The following WFDC3 variants were observed in gnomAD, a reference collection of about 807,000 sequenced individuals.
WFDC3 encodes the protein WAP four-disulfide core domain 3.
A neutral mutation model predicts 25.8 loss-of-function variants in WFDC3; 15 were observed. That is an observed-to-expected ratio of 0.58 (90% CI 0.39 to 0.89). The LOEUF is 0.89. Among genes scored for constraint, WFDC3 ranks in the 40% least tolerant of loss-of-function variants. The pLI is 0.00. For missense variants in WFDC3, 264 were observed against 289.8 expected, an observed-to-expected ratio of 0.91 and a Z score of 0.65; for synonymous variants, 103 against 107.1, an observed-to-expected ratio of 0.96 and a Z score of 0.24.
At chr20:45,787,110 A>C (rs1568700996) in intron 4 of WFDC3, among the ~76,000 whole-genome samples, 1 of 144,634 alleles carries the variant, frequency 6.9e-6, no homozygotes, top group East Asian at 2.0e-4. Context: ...AAAAAAAAAA[A>C]AAAAAAAAGA....
At chr20:45,790,023 A>C in intron 1 of WFDC3, 41 bp from the exon 2 acceptor site, 1 of 1,545,014 alleles carries the variant, frequency 6.5e-7, no homozygotes, top group Non-Finnish European at 8.9e-7. Context: ...CTAGAGGTGT[A>C]CACCTTGCCC....
chr20:45,777,340 A>G, intron 4 of WFDC3, 131 bp from the exon 5 acceptor site: 8 of 1,039,794 alleles, frequency 7.7e-6, no homozygotes, highest in Non-Finnish European at 9.7e-6. Flanking sequence ...TATGTGTATC[A>G]TGTATCTGCA....
chr20:45,777,162 G>A lies in WFDC3; in HGVS notation c.406C>T (p.Leu136=), dbSNP rs777814387. 1 of 1,603,598 alleles carries A rather than the reference G, an allele frequency of 6.2e-7. No homozygotes were observed. Among genetic ancestry groups the A allele is most frequent in the East Asian group, 2.3e-5 (1 of 43,976 alleles). Residue 136 remains leucine, a synonymous_variant, in exon 5 of 7, where the codon CTG becomes TTG. Coordinates refer to ENST00000243938, the MANE Select transcript of WFDC3 (RefSeq NM_080614.2). ...CPADPLPCEE[L]CDGDASCPQG... ...GGACAGGATGCATCCCCATCACACA[G>A]CTCCTCACACGGAAGGGGGTCAGCG...
chr20:45,790,079 C>A, intron 1 of WFDC3, 97 bp from the exon 2 acceptor site: 2 of 856,898 alleles, frequency 2.3e-6, no homozygotes, highest in East Asian at 2.6e-5. Context: ...GGCCCCAAAC[C>A]CAGTCCCAAA....
chr20:45,774,605 C>T (rs966996648), intron 6 of WFDC3, among the ~76,000 whole-genome samples, 161 bp from the exon 7 acceptor site: 3 of 152,292 alleles, frequency 2.0e-5, no homozygotes, highest in South Asian at 4.1e-4. Flanking sequence ...GCACTGAAGG[C>T]TCTTATTATT....
intron 1 of WFDC3, among the ~76,000 whole-genome samples, chr20:45,791,463 A>AT (rs1282807067): frequency 1.3e-5 from 2 of 151,406 alleles, no homozygotes; most frequent in Non-Finnish European, 2.9e-5. Context: ...CGCCCGGCTA[A>AT]TTTTTATATT....
rs765099962 is a variant in WFDC3, at chr20:45,775,485, A to T, written c.611T>A (p.Val204Asp). Residue 204 changes from valine to aspartate, a missense_variant, in exon 6 of 7, where the codon GTC becomes GAC. Coordinates refer to ENST00000243938, the MANE Select transcript of WFDC3 (RefSeq NM_080614.2). ...CAGTTTTGGGGGCAGGACTGGTGGG[A>T]CACAGAAGCGGCCACAGCCTGACTT... ...CCKSGCGRFC[V>D]PPVLPPKLTM... 1.4e-5 allele frequency: 23 copies of T among 1,614,208 alleles called. No individual in the cohort carries two copies. Among genetic ancestry groups the T allele is most frequent in the Admixed American group, 5.0e-5 (3 of 60,018 alleles).
At position 45,775,692 on chromosome 20, in the gene WFDC3, G is replaced by A. The variant is rs1270474382; in HGVS notation, c.494-90C>T. 4 of 1,530,468 alleles carry A rather than the reference G, an allele frequency of 2.6e-6. No individual in the cohort carries two copies. The African/African-American group carries it at 4.1e-5, about 16-fold the overall frequency. The allele number at this position is 1,530,468 out of a possible 1,614,324, so 94.8% of individuals were successfully genotyped here. A position where few individuals can be genotyped will look rare whatever the true frequency, so the allele number is the denominator to read the frequency against. On this transcript the variant is annotated intron_variant, in intron 5 of 6. Transcript: ENST00000243938. ...CGTGAACTTACACACAGAGGCTCTA[G>A]GTCAATCAACCCCTGACCCTCACTA...
intron 4 of WFDC3, among the ~76,000 whole-genome samples, chr20:45,780,831 C>T (rs1315811297): frequency 6.6e-6 from 1 of 152,138 alleles, no homozygotes; most frequent in Non-Finnish European, 1.5e-5. Context: ...AAACTTACTC[C>T]CCTTCTCTTG....
chr20:45,791,583 C>A (rs1364861630), intron 1 of WFDC3, among the ~76,000 whole-genome samples: 1 of 152,176 alleles, frequency 6.6e-6, no homozygotes, highest in Admixed American at 6.5e-5. Context: ...AGGCGTGAGC[C>A]ACCGCCCCTG....
intron 4 of WFDC3, among the ~76,000 whole-genome samples, chr20:45,779,001 C>T (rs1221074577): frequency 6.6e-6 from 1 of 152,196 alleles, no homozygotes; most frequent in East Asian, 1.9e-4. Flanking sequence ...TGCAGCCAAA[C>T]ACATTTCCTA....
chr20:45,776,184 T>C (rs1028319509), intron 5 of WFDC3, among the ~76,000 whole-genome samples: 1 of 152,150 alleles, frequency 6.6e-6, no homozygotes, highest in African/African-American at 2.4e-5. Flanking sequence ...TCAATGATTC[T>C]TTAATGGAGA....
chr20:45,775,438 C>T lies in WFDC3; in HGVS notation c.658G>A (p.Val220Met), dbSNP rs372686569. 1.2e-6 allele frequency: 2 copies of T among 1,614,188 alleles called. No homozygotes were observed. The highest frequency in any genetic ancestry group is 1.3e-5 in the African/African-American group (1 of 75,056). The change falls in exon 6 of 7, where the codon GTG becomes ATG. Residue 220 changes from valine to methionine, a missense_variant. By Grantham distance (21) the Val-to-Met change is conservative. Transcript: ENST00000243938. ...TCACCTAATTCGGAATCAGACCTCA[C>T]AGTCCAGTTGGGGTTCATGGTCAGT... Reference protein sequence around the residue: ...PKLTMNPNWTVRSDSELEIPV... With the variant: ...PKLTMNPNWTMRSDSELEIPV...
intron 4 of WFDC3, among the ~76,000 whole-genome samples, chr20:45,785,592 G>T (rs139681095): frequency 6.6e-6 from 1 of 151,656 alleles, no homozygotes; most frequent in South Asian, 2.1e-4. Flanking sequence ...TCCAGTGAAC[G>T]TAGTCTTGGT....
chr20:45,790,163 G>A lies in WFDC3; in HGVS notation c.-7-181C>T, dbSNP rs1041433935. The A allele has an allele frequency of 1.1e-5, 6 of 522,940 alleles. No individual in the cohort carries two copies. The African/African-American group carries it at 1.2e-4, about 10-fold the overall frequency. 32.4% of individuals were successfully genotyped at this position (522,940 alleles called of 1,614,324 possible). A position where few individuals can be genotyped will look rare whatever the true frequency, so the allele number is the denominator to read the frequency against. On this transcript the variant is annotated intron_variant, in intron 1 of 6. Transcript: ENST00000243938. ...GAAGAGGGATTGGCTGCTGGAGTGT[G>A]GGAAAATTCCTGGCACTACCAAAGG...
chr20:45,776,622 G>GA (rs1226870114), intron 5 of WFDC3, among the ~76,000 whole-genome samples: 1,721 of 76,118 alleles, frequency 0.023, 20 homozygotes, highest in African/African-American at 0.04. Context: ...AGAAAAAAAA[G>GA]AAAAAAAAAA....
intron 4 of WFDC3, among the ~76,000 whole-genome samples, chr20:45,780,063 CTTTTTTTTTT>C (rs3080097): frequency 1.1e-5 from 1 of 88,584 alleles, no homozygotes; most frequent in Non-Finnish European, 2.3e-5. Context: ...GCCTTTATAC[CTTTTTTTTTT>C]TTTTTTTTTT....
At chr20:45,774,974 C>T in intron 6 of WFDC3, among the ~76,000 whole-genome samples, 1 of 150,736 alleles carries the variant, frequency 6.6e-6, no homozygotes, top group Non-Finnish European at 1.5e-5. Flanking sequence ...GGAGATACGT[C>T]TGTTCCTTTA....
chr20:45,782,108 G>A (rs1980471901), intron 4 of WFDC3, among the ~76,000 whole-genome samples: 1 of 152,102 alleles, frequency 6.6e-6, no homozygotes, highest in Admixed American at 6.6e-5. Context: ...GCCATGAGGA[G>A]GCCCAAGAAG....
Sources: allele counts gnomAD v4.1 joint callset (sites outside exome capture counted in the v4.1 genomes callset), GRCh38; gene constraint gnomAD v4.1.1; transcripts MANE v1.5; gene names NCBI Gene and HGNC (gene_info 2026-07-23, HGNC 2026-07-21).